Variants in TMC1 observed in about 807,000 individuals in gnomAD.
TMC1 encodes transmembrane channel like 1.
Under a neutral mutation model 105.8 loss-of-function variants are expected in TMC1, and 84 were observed. The observed-to-expected ratio is 0.79, with a 90% CI of 0.67 to 0.95. The LOEUF (loss-of-function observed/expected upper bound fraction) is 0.95. Ranked by LOEUF, TMC1 falls within the 40% of genes least tolerant of loss-of-function variation. The pLI, the probability that TMC1 is intolerant of heterozygous loss-of-function variation, is 0.00. For synonymous variants in TMC1, 315 were observed against 311.5 expected, an observed-to-expected ratio of 1.01 and a Z score of -0.12; for missense variants, 817 against 914.1, an observed-to-expected ratio of 0.89 and a Z score of 1.37.
At position 72,699,541 on chromosome 9, in the gene TMC1, G is replaced by A. The variant is rs143205912; in HGVS notation, c.237-977G>A. 4.0e-4 allele frequency among the ~76,000 whole-genome samples: 61 copies of A among 152,128 alleles called. No individual in the cohort carries two copies. The East Asian group carries it at 5.6e-3, about 14-fold the overall frequency. On this transcript the variant is annotated intron_variant, in intron 7 of 23. Transcript: ENST00000297784. ...TTATTGAGAAATAAAATATTTAAAC[G>A]AAATGTAGAATTGAGGGAAGGTATT... is the stretch of plus-strand genomic sequence containing the variant.
At position 72,639,733 on chromosome 9, in the gene TMC1, A is replaced by G. The variant is rs185440518; in HGVS notation, c.-52-8864A>G. Among the ~76,000 whole-genome samples, 101 of 152,310 alleles carry G rather than the reference A, an allele frequency of 6.6e-4. 1 individual carries two copies. The highest frequency in any genetic ancestry group is 2.9e-4 in the Non-Finnish European group (20 of 68,006). The stretch of plus-strand genomic sequence containing the variant: ...AATACATTAAAGGAACTCTAACACC[A>G]AAATTATCCTTTCTTAATTAAATAA... On this transcript the variant is annotated intron_variant, in intron 4 of 23. Transcript: ENST00000297784.
At chr9:72,727,844 A>T (rs1260618975) in intron 8 of TMC1, among the ~76,000 whole-genome samples, 1 of 152,150 alleles carries the variant, frequency 6.6e-6, no homozygotes, top group Non-Finnish European at 1.5e-5. Flanking sequence ...TGCTAATAAC[A>T]TGCTCAACTG....
chr9:72,772,079 T>C (rs1382837947), intron 12 of TMC1, among the ~76,000 whole-genome samples: 1 of 152,132 alleles, frequency 6.6e-6, no homozygotes, highest in African/African-American at 2.4e-5. Context: ...TTAAGCAAAC[T>C]CTTAAAATCG....
At chr9:72,753,867 T>C (rs1588066535) in intron 11 of TMC1, among the ~76,000 whole-genome samples, 1 of 152,142 alleles carries the variant, frequency 6.6e-6, no homozygotes, top group Non-Finnish European at 1.5e-5. Context: ...CCCCGAACTT[T>C]GGGGCGAGAC....
intron 13 of TMC1, among the ~76,000 whole-genome samples, chr9:72,784,390 A>G (rs1044422718): frequency 6.6e-6 from 1 of 150,884 alleles, no homozygotes; most frequent in African/African-American, 2.5e-5. Context: ...ATCTCACACC[A>G]GTCAAAATGA....
At chr9:72,575,590 G>C (rs1211120424) in intron 1 of TMC1, among the ~76,000 whole-genome samples, 1 of 152,120 alleles carries the variant, frequency 6.6e-6, no homozygotes, top group East Asian at 1.9e-4. Flanking sequence ...AACAACTATG[G>C]GGAGTTTTGT....
At chr9:72,708,914 T>C (rs950471384) in intron 8 of TMC1, among the ~76,000 whole-genome samples, 6 of 152,110 alleles carry the variant, frequency 3.9e-5, no homozygotes. Flanking sequence ...TTTATTACAT[T>C]GAGGTACGTC....
In TMC1 at chr9:72,816,125, A is replaced by C; in HGVS notation, c.1696-18A>C. The stretch of plus-strand genomic sequence containing the variant: ...ACCATGTGAGACGCTAATCCAATGA[A>C]CATTGTGTCTCCTCTAGCCTTCATA... On this transcript the variant is annotated intron_variant, in intron 18 of 23. Coordinates refer to ENST00000297784, the MANE Select transcript of TMC1 (RefSeq NM_138691.3). 1.9e-6 allele frequency: 3 copies of C among 1,612,184 alleles called. No homozygotes were observed. The highest frequency in any genetic ancestry group is 2.2e-5 in the South Asian group (2 of 91,060).
At chr9:72,827,024 C>A (rs769670366) in intron 21 of TMC1, 30 bp downstream of exon 21, 2 of 1,613,488 alleles carry the variant, frequency 1.2e-6, no homozygotes, top group East Asian at 2.2e-5. Context: ...ATAGAAAGAG[C>A]CTCTGTGATG....
intron 5 of TMC1, among the ~76,000 whole-genome samples, chr9:72,655,183 T>C (rs1385139788): frequency 1.3e-5 from 2 of 152,176 alleles, no homozygotes; most frequent in Non-Finnish European, 2.9e-5. Flanking sequence ...TCTGCCACCT[T>C]GTGAAGCAGG....
chr9:72,746,769 A>G (rs1827496012), intron 10 of TMC1, among the ~76,000 whole-genome samples: 1 of 152,150 alleles, frequency 6.6e-6, no homozygotes, highest in Non-Finnish European at 1.5e-5. Context: ...ACTCTGTTTC[A>G]CTTAAAAAAT....
intron 1 of TMC1, among the ~76,000 whole-genome samples, chr9:72,546,757 C>T (rs1056197942): frequency 1.3e-5 from 2 of 152,200 alleles, no homozygotes; most frequent in African/African-American, 4.8e-5. Context: ...TAAGACTTCA[C>T]TCCAGGAAAA....
intron 6 of TMC1, among the ~76,000 whole-genome samples, chr9:72,692,108 G>A (rs992844794): frequency 6.6e-6 from 1 of 152,142 alleles, no homozygotes; most frequent in African/African-American, 2.4e-5. Flanking sequence ...CTAAATTGGG[G>A]GAGTGGCTAT....
At chr9:72,672,575 G>T (rs887661427) in intron 5 of TMC1, among the ~76,000 whole-genome samples, 3 of 151,788 alleles carry the variant, frequency 2.0e-5, no homozygotes, top group Non-Finnish European at 4.4e-5. Context: ...AAGATAAAAG[G>T]ATGGAAAAAG....
intron 4 of TMC1, among the ~76,000 whole-genome samples, chr9:72,647,768 C>G (rs1825738520): frequency 7.1e-6 from 1 of 140,548 alleles, no homozygotes; most frequent in East Asian, 2.0e-4. Context: ...AATGTGCCAC[C>G]AGGATCCATT....
chr9:72,834,929 C>T (rs947044261), intron 23 of TMC1, among the ~76,000 whole-genome samples: 2 of 152,080 alleles, frequency 1.3e-5, no homozygotes, highest in Non-Finnish European at 2.9e-5. Flanking sequence ...TCCAGAGGTA[C>T]CTGTTGCTGC....
intron 5 of TMC1, among the ~76,000 whole-genome samples, chr9:72,681,425 C>G (rs370645414): frequency 1.3e-5 from 2 of 152,012 alleles, no homozygotes; most frequent in African/African-American, 4.8e-5. Flanking sequence ...CTCCAAACCA[C>G]ATAGAGTAAG....
At chr9:72,657,678 C>T (rs973559811) in intron 5 of TMC1, among the ~76,000 whole-genome samples, 2 of 151,914 alleles carry the variant, frequency 1.3e-5, no homozygotes, top group African/African-American at 2.4e-5. Flanking sequence ...ATGTTATAAT[C>T]GGAAAAGATA....
chr9:72,706,533 A>G (rs1315340406), intron 8 of TMC1, among the ~76,000 whole-genome samples: 2 of 152,142 alleles, frequency 1.3e-5, no homozygotes, highest in Non-Finnish European at 2.9e-5. Context: ...CCTGAGCAGT[A>G]TACACTGAAC....
Sources: gnomAD v4.1 joint callset for allele counts (sites outside exome capture counted in the v4.1 genomes callset) on GRCh38, gnomAD v4.1.1 for gene constraint, MANE v1.5 for transcripts, NCBI Gene and HGNC (gene_info 2026-07-23, HGNC 2026-07-21) for gene names.